Variants in USP2 observed in about 807,000 individuals in gnomAD.
The protein encoded by USP2 is ubiquitin carboxyl-terminal hydrolase 2.
In USP2, 33 loss-of-function variants were observed where a neutral mutation model predicts 72.0. That is an observed-to-expected ratio of 0.46 (90% CI 0.35 to 0.61). The LOEUF (loss-of-function observed/expected upper bound fraction) is 0.61. Among genes scored for constraint, USP2 ranks in the 20% least tolerant of loss-of-function variants. USP2 has a pLI of 0.01. For synonymous variants in USP2, 296 were observed against 312.5 expected (o/e 0.95, Z 0.56); for missense variants, 691 against 797.8 (o/e 0.87, Z 1.61).
rs1950665991 is a variant in USP2 at position 119,356,939 on chromosome 11, G to GAGTGAGCCCGGAGCGGGC, written c.1731-18_1731-17insGCCCGCTCCGGGCTCACT. The GAGTGAGCCCGGAGCGGGC allele has an allele frequency of 6.4e-7, 1 of 1,551,984 alleles. No individual in the cohort carries two copies. Among genetic ancestry groups the GAGTGAGCCCGGAGCGGGC allele is most frequent in the Non-Finnish European group, 8.7e-7 (1 of 1,148,408 alleles). ...GGAGTGACGCTGCGGAGAGAGCGGG[G>GAGTGAGCCCGGAGCGGGC]AGTCAGCCCGGAGCGGGCAGGACCG... On this transcript the variant is annotated splice_polypyrimidine_tract_variant and intron_variant, in intron 12 of 12. Coordinates refer to ENST00000260187, the MANE Select transcript of USP2 (RefSeq NM_004205.5).
chr11:119,374,747 C>T (rs1428133477), intron 1 of USP2, among the ~76,000 whole-genome samples: 2 of 152,120 alleles, frequency 1.3e-5, no homozygotes, highest in Non-Finnish European at 2.9e-5. Context: ...GCATCAGGGG[C>T]TCTTGGGGGG....
At chr11:119,372,624 T>C in intron 2 of USP2, 83 bp downstream of exon 2, 2 of 1,340,298 alleles carry the variant, frequency 1.5e-6, no homozygotes, top group South Asian at 1.5e-5. Flanking sequence ...ATCAGTCAGG[T>C]TGGGAGTCGA....
At chr11:119,358,440 C>G (rs1444451336) in intron 7 of USP2, among the ~76,000 whole-genome samples, 188 bp from the exon 8 acceptor site, 1 of 152,160 alleles carries the variant, frequency 6.6e-6, no homozygotes, top group Non-Finnish European at 1.5e-5. Context: ...CTCAGCCTCC[C>G]AAGTAGCTGG....
intron 1 of USP2, among the ~76,000 whole-genome samples, chr11:119,374,585 CT>C (rs1486665384): frequency 6.6e-6 from 1 of 152,206 alleles, no homozygotes; most frequent in Non-Finnish European, 1.5e-5. Flanking sequence ...GGCCAGTGTT[CT>C]TTCTACTTAA....
At chr11:119,360,719 C>T (rs1950750428) in intron 2 of USP2, among the ~76,000 whole-genome samples, 2 of 152,214 alleles carry the variant, frequency 1.3e-5, no homozygotes, top group Admixed American at 1.3e-4. Flanking sequence ...GCCACCGCGT[C>T]CTGCCTAAAT....
intron 2 of USP2, among the ~76,000 whole-genome samples, chr11:119,361,996 G>C (rs1950771944): frequency 6.6e-6 from 1 of 152,210 alleles, no homozygotes; most frequent in Non-Finnish European, 1.5e-5. Flanking sequence ...TGCGCACTCG[G>C]AACTAAATGT....
rs1555041168 is a variant in USP2 at position 119,360,249 on chromosome 11, C to T, written c.775-15G>A. Reference sequence around the variant, plus strand: ...CTCTTAGAATTCTGTAAGCAAAGAACATATGGCAATAAGGTGGAAGCAAAG... The same window carrying T: ...CTCTTAGAATTCTGTAAGCAAAGAATATATGGCAATAAGGTGGAAGCAAAG... On this transcript the variant is annotated splice_polypyrimidine_tract_variant and intron_variant, in intron 2 of 12. Coordinates refer to ENST00000260187, the MANE Select transcript of USP2 (RefSeq NM_004205.5). 21 of 1,613,672 alleles carry T rather than the reference C, an allele frequency of 1.3e-5. No homozygotes were observed. In the Admixed American group the frequency reaches 3.3e-4, roughly 26 times the overall value.
rs980155543 is a variant in USP2 at position 119,356,559 on chromosome 11, T to C, written c.*276A>G. The stretch of plus-strand genomic sequence containing the variant: ...CCAAGACACAGTTGTTTCTGACACA[T>C]AGGAAGACCACAAGTTTACAAATGC... On this transcript the variant is annotated 3_prime_UTR_variant, in exon 13 of 13. Coordinates refer to ENST00000260187, the MANE Select transcript of USP2 (RefSeq NM_004205.5). The C allele has an allele frequency of 5.2e-5, 23 of 442,250 alleles. No individual in the cohort carries two copies. The highest frequency in any genetic ancestry group is 2.0e-4 in the East Asian group (5 of 25,434). The allele number at this position is 442,250 out of a possible 1,614,324, so 27.4% of individuals were successfully genotyped here.
intron 1 of USP2, among the ~76,000 whole-genome samples, chr11:119,374,957 C>T (rs867988947): frequency 1.3e-5 from 2 of 152,174 alleles, no homozygotes; most frequent in Non-Finnish European, 2.9e-5. Context: ...GATAACAACA[C>T]GTGAAGGGCT....
chr11:119,362,309 C>T (rs146836541), intron 2 of USP2, among the ~76,000 whole-genome samples: 7 of 152,234 alleles, frequency 4.6e-5, no homozygotes, highest in Non-Finnish European at 8.8e-5. Flanking sequence ...AAGGACACTT[C>T]GTCACCCACG....
intron 2 of USP2, among the ~76,000 whole-genome samples, chr11:119,367,635 C>T (rs989961667): frequency 4.6e-5 from 7 of 152,192 alleles, no homozygotes; most frequent in Non-Finnish European, 1.0e-4. Context: ...GTCTGCTTCC[C>T]TGCATGACGT....
rs1476377096 is a variant in USP2, at chr11:119,381,566, C to G, written c.-135G>C. On this transcript the variant is annotated 5_prime_UTR_variant, in exon 1 of 13. Coordinates refer to ENST00000260187, the MANE Select transcript of USP2 (RefSeq NM_004205.5). ...GGCGCTGGCGCGGCGCAGTGAGCAC[C>G]AGCTGACGAAGAGGGCTCCCCGGCC... 106 of 1,535,592 alleles carry G rather than the reference C, an allele frequency of 6.9e-5. No individual in the cohort carries two copies. Among genetic ancestry groups the G allele is most frequent in the Non-Finnish European group, 8.9e-5 (102 of 1,146,588 alleles).
Position 119,359,024 on chromosome 11 carries a change from G to A in USP2, c.1172C>T (p.Pro391Leu), listed in dbSNP as rs756471460. Residue 391 changes from proline (P) to leucine (L), a missense_variant and splice_region_variant, in exon 6 of 13, where the codon CCT becomes CTT. Coordinates refer to ENST00000260187, the MANE Select transcript of USP2 (RefSeq NM_004205.5). Reference protein sequence around the residue: ...KSNPENLDHLPDDEKGRQMWR... With the variant: ...KSNPENLDHLLDDEKGRQMWR... Reference sequence around the variant, plus strand: ...CCCACAGCATTCTCCTCTTACTTACGGAAGATGATCGAGGTTCTCAGGGTT... The same window carrying A: ...CCCACAGCATTCTCCTCTTACTTACAGAAGATGATCGAGGTTCTCAGGGTT... The A allele has an allele frequency of 3.5e-5, 56 of 1,613,792 alleles. No individual in the cohort carries two copies. Among genetic ancestry groups the A allele is most frequent in the Non-Finnish European group, 4.2e-5 (50 of 1,179,956 alleles).
chr11:119,369,872 T>C (rs1950904101), intron 2 of USP2, among the ~76,000 whole-genome samples: 1 of 152,126 alleles, frequency 6.6e-6, no homozygotes. Flanking sequence ...TGCCTCCCAT[T>C]GTACCTATTT....
rs534823049 is a variant in USP2, at chr11:119,368,482, G to A, written c.774+4225C>T. Among the ~76,000 whole-genome samples the A allele has an allele frequency of 2.0e-5, 3 of 152,302 alleles. No individual in the cohort carries two copies. The East Asian group carries it at 5.8e-4, about 29-fold the overall frequency. On this transcript the variant is annotated intron_variant, in intron 2 of 12. Transcript: ENST00000260187. Reference sequence around the variant, plus strand: ...TGGAGTAACCTCCGCTCACTGCAGGGCAGCATTCAAGTCCAAAGTCCCACC... The same window carrying A: ...TGGAGTAACCTCCGCTCACTGCAGGACAGCATTCAAGTCCAAAGTCCCACC...
Position 119,359,088 on chromosome 11 carries a change from G to A in USP2, c.1108C>T (p.His370Tyr), listed in dbSNP as rs1950720392. The A allele has an allele frequency of 1.2e-6, 2 of 1,613,934 alleles. No homozygotes were observed. Among genetic ancestry groups the A allele is most frequent in the Admixed American group, 1.7e-5 (1 of 59,986 alleles). ...EFLRFLLDGL[H>Y]NEVNRVTLRP... ...AGTGTCACTCGGTTCACCTCGTTATGGAGCCCATCCAGAAGAAAGCGAAGG... is the reference window on the plus strand; with the variant it reads ...AGTGTCACTCGGTTCACCTCGTTATAGAGCCCATCCAGAAGAAAGCGAAGG... The change falls in exon 6 of 13, where the codon CAT (histidine) becomes TAT (tyrosine). Residue 370 changes from histidine to tyrosine, a missense_variant. Transcript: ENST00000260187.
At position 119,359,308 on chromosome 11, in the gene USP2, T is replaced by G. The variant is rs765759983; in HGVS notation, c.984A>C (p.Ser328=). 1 of 1,614,004 alleles carries G rather than the reference T, an allele frequency of 6.2e-7. No individual in the cohort carries two copies. Among genetic ancestry groups the G allele is most frequent in the Non-Finnish European group, 8.5e-7 (1 of 1,180,030 alleles). Residue 328 remains serine (S), a synonymous_variant, in exon 5 of 13, where the codon TCA becomes TCC. Coordinates refer to ENST00000260187, the MANE Select transcript of USP2 (RefSeq NM_004205.5). ...ATGGGCTCACCACATCATTGGGGGA[T>G]GAAGTCCATATGGTCTGAATTAGTT... ...FAKLIQTIWT[S]SPNDVVSPSE...
At chr11:119,357,156 C>T in intron 12 of USP2, 31 bp downstream of exon 12, 4 of 1,610,452 alleles carry the variant, frequency 2.5e-6, no homozygotes, top group Non-Finnish European at 3.4e-6. Context: ...GTGGCTACAG[C>T]CAGGGGCTCC....
chr11:119,368,316 C>T (rs1250460396), intron 2 of USP2, among the ~76,000 whole-genome samples: 1 of 152,182 alleles, frequency 6.6e-6, no homozygotes, highest in Admixed American at 6.5e-5. Context: ...TCTCAGGCTG[C>T]CAAGCTAGAC....
Sources: allele counts gnomAD v4.1 joint callset (sites outside exome capture counted in the v4.1 genomes callset), GRCh38; gene constraint gnomAD v4.1.1; transcripts MANE v1.5; gene names NCBI Gene and HGNC (gene_info 2026-07-23, HGNC 2026-07-21).